Variants in RANBP10 observed in about 807,000 individuals in gnomAD.
RANBP10 encodes ran-binding protein 10.
A neutral mutation model predicts 72.8 loss-of-function variants in RANBP10; 24 were observed. The ratio of observed to expected loss-of-function variants is 0.33; its 90% CI spans 0.24 to 0.46. RANBP10 has a LOEUF of 0.46. RANBP10 is among the 20% of genes least tolerant of loss of function. RANBP10 has a pLI of 1.00. For synonymous variants in RANBP10, 310 were observed against 322.3 expected (o/e 0.96, Z 0.41); for missense variants, 679 against 817.5 (o/e 0.83, Z 2.07).
intron 6 of RANBP10, 32 bp from the exon 7 acceptor site, chr16:67,731,616 C>A (rs1255839025): frequency 6.5e-7 from 1 of 1,532,688 alleles, no homozygotes; most frequent in Non-Finnish European, 9.0e-7. Flanking sequence ...AGGTGACACT[C>A]AAGAACTGCA....
intron 4 of RANBP10, among the ~76,000 whole-genome samples, chr16:67,739,538 A>G (rs2053925498): frequency 1.3e-5 from 2 of 152,186 alleles, no homozygotes; most frequent in Non-Finnish European, 2.9e-5. Context: ...GGCAAAGTTC[A>G]GGTTAACAAT....
At chr16:67,794,089 T>C (rs1204853460) in intron 2 of RANBP10, among the ~76,000 whole-genome samples, 3 of 152,052 alleles carry the variant, frequency 2.0e-5, no homozygotes, top group African/African-American at 7.2e-5. Flanking sequence ...CACTATGTTG[T>C]CCAGGCTGGT....
At chr16:67,805,587 T>C in intron 1 of RANBP10, 48 bp from the exon 2 acceptor site, 4 of 1,514,672 alleles carry the variant, frequency 2.6e-6, no homozygotes, top group Non-Finnish European at 3.6e-6. Flanking sequence ...GAAATGCAAA[T>C]GGAAGCCTCA....
At chr16:67,767,024 G>C (rs8049622) in intron 3 of RANBP10, among the ~76,000 whole-genome samples, 21,924 of 152,188 alleles carry the variant, frequency 0.14, 3,228 homozygotes, top group African/African-American at 0.38. Flanking sequence ...CCACTGAACA[G>C]TTAGGCCCCT....
intron 2 of RANBP10, among the ~76,000 whole-genome samples, chr16:67,778,763 T>C (rs1019783540): frequency 2.0e-5 from 3 of 152,142 alleles, no homozygotes; most frequent in African/African-American, 7.2e-5. Context: ...CCTGAAAAGA[T>C]GCTCACCATC....
intron 2 of RANBP10, among the ~76,000 whole-genome samples, chr16:67,802,698 C>T (rs1447422670): frequency 6.6e-6 from 1 of 152,136 alleles, no homozygotes; most frequent in Non-Finnish European, 1.5e-5. Flanking sequence ...GCCATGTTTA[C>T]CACATGTAAA....
chr16:67,802,205 G>A (rs1443472228), intron 2 of RANBP10, among the ~76,000 whole-genome samples: 1 of 152,152 alleles, frequency 6.6e-6, no homozygotes, highest in Non-Finnish European at 1.5e-5. Context: ...ATACTAACAT[G>A]TGGCTGCATC....
intron 2 of RANBP10, among the ~76,000 whole-genome samples, chr16:67,792,337 G>A (rs1045161785): frequency 1.4e-4 from 21 of 151,930 alleles, no homozygotes; most frequent in African/African-American, 4.8e-4. Flanking sequence ...GGCGGATCAC[G>A]AGGTCAGGAG....
At position 67,729,616 on chromosome 16, in the gene RANBP10, G is replaced by GT; in HGVS notation, c.1147+63dup. The stretch of plus-strand genomic sequence containing the variant: ...AGCCCTGAGCCCAGCCCAGGAAAGG[G>GT]TATGTGGAGTGGCCTCTCTCCTCCA... On this transcript the variant is annotated intron_variant, in intron 9 of 13. Transcript: ENST00000317506. The surrounding 1 kb of genome is among the most constrained non-coding windows in gnomAD (Gnocchi z 7.1). The GT allele has an allele frequency of 6.4e-7, 1 of 1,566,276 alleles. No individual in the cohort carries two copies. The highest frequency in any genetic ancestry group is 1.7e-4 in the Middle Eastern group (1 of 5,796).
At chr16:67,775,791 A>T (rs1357926096) in intron 2 of RANBP10, among the ~76,000 whole-genome samples, 4 of 72,914 alleles carry the variant, frequency 5.5e-5, no homozygotes, top group South Asian at 8.1e-4. Flanking sequence ...GACTCCGTCT[A>T]AAAAAAAAAA....
At chr16:67,737,390 G>C (rs768412717) in intron 5 of RANBP10, among the ~76,000 whole-genome samples, 1 of 151,768 alleles carries the variant, frequency 6.6e-6, no homozygotes, top group Non-Finnish European at 1.5e-5. Flanking sequence ...TTTTAGTAGA[G>C]ACAGGGTTTC....
chr16:67,780,551 C>T (rs546473619), intron 2 of RANBP10, among the ~76,000 whole-genome samples: 6 of 152,192 alleles, frequency 3.9e-5, no homozygotes, highest in Admixed American at 3.9e-4. Context: ...AGTGCAAGAC[C>T]AGCCTAGACA....
intron 3 of RANBP10, among the ~76,000 whole-genome samples, chr16:67,767,454 C>CA (rs1178049394): frequency 0.089 from 5,685 of 63,780 alleles, 881 homozygotes; most frequent in African/African-American, 0.21. Context: ...GACCCTGTTT[C>CA]AAAAAAAAAA....
At chr16:67,800,484 A>G (rs1265258932) in intron 2 of RANBP10, among the ~76,000 whole-genome samples, 1 of 152,206 alleles carries the variant, frequency 6.6e-6, no homozygotes, top group Non-Finnish European at 1.5e-5. Flanking sequence ...TGTCATCACT[A>G]AGAGCCAGGG....
intron 2 of RANBP10, among the ~76,000 whole-genome samples, chr16:67,796,009 C>T (rs993845981): frequency 4.0e-5 from 6 of 150,850 alleles, no homozygotes; most frequent in African/African-American, 1.2e-4. Context: ...CTCCACCTCC[C>T]GCGTTCAAGT....
At chr16:67,745,576 C>T (rs2054055845) in intron 3 of RANBP10, among the ~76,000 whole-genome samples, 1 of 152,006 alleles carries the variant, frequency 6.6e-6, no homozygotes, top group Non-Finnish European at 1.5e-5. Context: ...CTCAGGTGAT[C>T]CTCCAGCCTC....
chr16:67,750,247 T>C (rs552745014), intron 3 of RANBP10, among the ~76,000 whole-genome samples: 21 of 152,242 alleles, frequency 1.4e-4, no homozygotes, highest in African/African-American at 3.1e-4. Context: ...CCTCCCCAAA[T>C]AGTCTTTCAG....
At chr16:67,803,830 TAA>T (rs1186108487) in intron 2 of RANBP10, among the ~76,000 whole-genome samples, 31 of 91,578 alleles carry the variant, frequency 3.4e-4, no homozygotes, top group Admixed American at 4.9e-4. Context: ...CCCATCTCAT[TAA>T]AAAAAAAAAA....
chr16:67,804,273 C>A (rs561931941), intron 2 of RANBP10, among the ~76,000 whole-genome samples: 1 of 152,214 alleles, frequency 6.6e-6, no homozygotes, highest in South Asian at 2.1e-4. Context: ...AACTTACACA[C>A]CTGCTTCGTC....
Sources: allele counts gnomAD v4.1 joint callset (sites outside exome capture counted in the v4.1 genomes callset), GRCh38; gene constraint gnomAD v4.1.1; non-coding constraint Gnocchi (gnomAD v3.1); transcripts MANE v1.5; gene names NCBI Gene and HGNC (gene_info 2026-07-23, HGNC 2026-07-21).